Variants in GYPC observed in about 807,000 individuals in gnomAD.
The protein encoded by GYPC is glycophorin-C.
GYPC carries 14 observed loss-of-function variants against 12.6 expected under a neutral mutation model. The ratio of observed to expected loss-of-function variants is 1.11; its 90% CI spans 0.74 to 1.74. GYPC has a LOEUF of 1.74. GYPC is among the 40% of genes most tolerant of loss of function. GYPC has a pLI of 0.00. For synonymous variants in GYPC, 78 were observed against 62.1 expected, an observed-to-expected ratio of 1.26 and a Z score of -1.20; for missense variants, 225 against 172.1, an observed-to-expected ratio of 1.31 and a Z score of -1.72.
intron 1 of GYPC, among the ~76,000 whole-genome samples, chr2:126,682,225 C>G (rs543000813): frequency 6.6e-6 from 1 of 152,220 alleles, no homozygotes; most frequent in Admixed American, 6.5e-5. Context: ...AAGCATTTCC[C>G]TGCTGCCTCA....
In GYPC at chr2:126,692,301, C is replaced by G. The variant is rs547689430; in HGVS notation, c.107-1563C>G. On this transcript the variant is annotated intron_variant, in intron 2 of 3. Transcript: ENST00000259254. ...CCACCTCCAAGCTCCTTGGTGGCCC[C>G]AGACACCCCTAGCTTGGCCCATCTG... 1.8e-3 allele frequency among the ~76,000 whole-genome samples: 278 copies of G among 152,226 alleles called. 2 individuals are homozygous for G. In the Middle Eastern group the frequency reaches 0.024, roughly 13 times the overall value.
chr2:126,682,072 G>C (rs536898793), intron 1 of GYPC, among the ~76,000 whole-genome samples: 2 of 152,212 alleles, frequency 1.3e-5, no homozygotes, highest in Non-Finnish European at 2.9e-5. Flanking sequence ...GGTGTTCTGC[G>C]CTCCAGCCAC....
chr2:126,667,655 G>T (rs1424658940), intron 1 of GYPC, among the ~76,000 whole-genome samples: 2 of 147,810 alleles, frequency 1.4e-5, no homozygotes, highest in Admixed American at 1.3e-4. Flanking sequence ...CGCCCGCCTT[G>T]GCCTCCCAAA....
intron 1 of GYPC, among the ~76,000 whole-genome samples, chr2:126,669,156 C>T (rs1682769228): frequency 6.6e-6 from 1 of 152,182 alleles, no homozygotes; most frequent in Admixed American, 6.5e-5. Context: ...GTGATCAATG[C>T]TGACTGCTGA....
chr2:126,672,513 G>A lies in GYPC; in HGVS notation c.49+16201G>A, dbSNP rs537542128. On this transcript the variant is annotated intron_variant, in intron 1 of 3. Coordinates refer to ENST00000259254, the MANE Select transcript of GYPC (RefSeq NM_002101.5). ...TATCTTTCGGGTGCCTGGCCCTGCA[G>A]GGAATGAGTGTGAGTGTGGGTCCCC... 2.0e-5 allele frequency among the ~76,000 whole-genome samples: 3 copies of A among 152,334 alleles called. No homozygotes were observed. In the South Asian group the frequency reaches 6.2e-4, roughly 32 times the overall value.
Position 126,690,267 on chromosome 2 carries a change from G to A in GYPC, c.62G>A (p.Gly21Glu), listed in dbSNP as rs1683419212. 5 of 1,612,762 alleles carry A rather than the reference G, an allele frequency of 3.1e-6. No individual in the cohort carries two copies. Among genetic ancestry groups the A allele is most frequent in the African/African-American group, 1.3e-5 (1 of 74,896 alleles). Residue 21 changes from glycine to glutamate, a missense_variant, in exon 2 of 4, where the codon GGG becomes GAG. Gly to Glu is a moderately conservative substitution (Grantham distance 98, BLOSUM62 -2). Coordinates refer to ENST00000259254, the MANE Select transcript of GYPC (RefSeq NM_002101.5). The part of the protein sequence containing the change: ...AWPLSLEPDP[G>E]MASASTTMHT... ...CCTCTGTTCACAGAGCCTGATCCGG[G>A]GATGGCCTCTGCCTCCACCACAATG... is the stretch of plus-strand genomic sequence containing the variant.
At chr2:126,664,914 T>C (rs1446420804) in intron 1 of GYPC, among the ~76,000 whole-genome samples, 2 of 152,054 alleles carry the variant, frequency 1.3e-5, no homozygotes, top group African/African-American at 4.8e-5. Context: ...CTGGAGTAGA[T>C]GCTAGGGAGG....
intron 2 of GYPC, among the ~76,000 whole-genome samples, chr2:126,691,059 A>G (rs1395011884): frequency 2.0e-5 from 3 of 151,888 alleles, no homozygotes; most frequent in Non-Finnish European, 2.9e-5. Flanking sequence ...TTCCTAGGTG[A>G]TATTATTAAC....
At chr2:126,657,308 G>T (rs1019564534) in intron 1 of GYPC, among the ~76,000 whole-genome samples, 1 of 152,220 alleles carries the variant, frequency 6.6e-6, no homozygotes, top group Non-Finnish European at 1.5e-5. Context: ...CTGGGAGTGC[G>T]CAGGCATCAG....
In GYPC at chr2:126,656,296, G is replaced by A. The variant is rs750504297; in HGVS notation, c.33G>A (p.Ala11=). ...CGACGAGAAGCCCCAACAGCACGGC[G>A]TGGCCTCTCAGCCTCGGTGAGTACC... The part of the protein sequence containing the change: MWSTRSPNST[A]WPLSLEPDPG... Residue 11 remains alanine, a synonymous_variant, in exon 1 of 4, where the codon GCG becomes GCA. Coordinates refer to ENST00000259254, the MANE Select transcript of GYPC (RefSeq NM_002101.5). The A allele has an allele frequency of 4.1e-5, 66 of 1,598,418 alleles. No homozygotes were observed. The highest frequency in any genetic ancestry group is 5.2e-5 in the Non-Finnish European group (61 of 1,174,168).
At chr2:126,668,193 G>C (rs1002474832) in intron 1 of GYPC, among the ~76,000 whole-genome samples, 1 of 152,174 alleles carries the variant, frequency 6.6e-6, no homozygotes, top group African/African-American at 2.4e-5. Context: ...CAGTATTTTT[G>C]TTTTTGACTT....
chr2:126,692,523 A>G (rs145503881), intron 2 of GYPC, among the ~76,000 whole-genome samples: 2 of 152,270 alleles, frequency 1.3e-5, no homozygotes, highest in South Asian at 2.1e-4. Flanking sequence ...TTTATTATGT[A>G]GAGCCATTGT....
intron 1 of GYPC, among the ~76,000 whole-genome samples, chr2:126,664,977 C>CTG (rs1553466941): frequency 9.9e-5 from 15 of 151,772 alleles, no homozygotes; most frequent in African/African-American, 3.4e-4. Context: ...CTCTCTCTCT[C>CTG]TGTGTCTCTC....
chr2:126,676,772 G>A (rs1042829643), intron 1 of GYPC, among the ~76,000 whole-genome samples: 11 of 152,198 alleles, frequency 7.2e-5, no homozygotes, highest in Non-Finnish European at 1.2e-4. Context: ...TGGTGGGGCA[G>A]GGACAGTGAA....
At chr2:126,689,992 T>C (rs1683407249) in intron 1 of GYPC, among the ~76,000 whole-genome samples, 1 of 152,232 alleles carries the variant, frequency 6.6e-6, no homozygotes, top group South Asian at 2.1e-4. Flanking sequence ...AGTGGAGGCA[T>C]ACTGCAGAGA....
chr2:126,684,974 T>G (rs1024426864), intron 1 of GYPC, among the ~76,000 whole-genome samples: 23 of 152,218 alleles, frequency 1.5e-4, no homozygotes, highest in Non-Finnish European at 2.9e-4. Context: ...GAATAAATGC[T>G]AACTGCTTAG....
intron 2 of GYPC, 87 bp from the exon 3 acceptor site, chr2:126,693,762 AGAGCTGCTCACACCT>A (rs1683546390): frequency 7.3e-6 from 6 of 819,928 alleles, no homozygotes; most frequent in Non-Finnish European, 1.3e-5. Context: ...ACCCATTCTC[AGAGCTGCTCACACCT>A]GAGCAAAGGA....
In GYPC at chr2:126,656,409, C is replaced by A. The variant is rs990377243; in HGVS notation, c.49+97C>A. ...GCCACGGCCACGGACGCCCTGGTGT[C>A]CCGGTCCGTGCCGGGCCTCCAGGCG... On this transcript the variant is annotated intron_variant, in intron 1 of 3. Coordinates refer to ENST00000259254, the MANE Select transcript of GYPC (RefSeq NM_002101.5). 7 of 1,088,472 alleles carry A rather than the reference C, an allele frequency of 6.4e-6. No homozygotes were observed. The Admixed American group carries it at 1.3e-4, about 20-fold the overall frequency. The allele number at this position is 1,088,472 out of a possible 1,614,324, so 67.4% of individuals were successfully genotyped here. A position where few individuals can be genotyped will look rare whatever the true frequency, so the allele number is the denominator to read the frequency against.
intron 1 of GYPC, among the ~76,000 whole-genome samples, chr2:126,668,403 G>A (rs1682745697): frequency 6.6e-6 from 1 of 152,126 alleles, no homozygotes; most frequent in Non-Finnish European, 1.5e-5. Flanking sequence ...GCAGTTAACT[G>A]ATGCTCGGTC....
Sources: gnomAD v4.1 joint callset for allele counts (sites outside exome capture counted in the v4.1 genomes callset) on GRCh38, gnomAD v4.1.1 for gene constraint, MANE v1.5 for transcripts, NCBI Gene and HGNC (gene_info 2026-07-23, HGNC 2026-07-21) for gene names.